The following LEMD1 variants were observed in gnomAD, a reference collection of about 807,000 sequenced individuals.
The protein encoded by LEMD1 is LEM domain containing 1, also known as LEM domain-containing protein 1.
In LEMD1, 18 loss-of-function variants were observed where a neutral mutation model predicts 17.4. The observed-to-expected ratio is 1.04, with a 90% CI of 0.72 to 1.54. The LOEUF (loss-of-function observed/expected upper bound fraction) is 1.54. LEMD1 is among the 40% of genes most tolerant of loss of function. The pLI is 0.00. For missense variants in LEMD1, 195 were observed against 210.4 expected (o/e 0.93, Z 0.45); for synonymous variants, 88 against 77.8 (o/e 1.13, Z -0.69).
At chr1:205,440,738 T>G (rs6700948) in intron 1 of LEMD1, 25,023 of 152,588 alleles carry the variant, frequency 0.16, 2,363 homozygotes, top group African/African-American at 0.24. Context: ...CTAATGGGTG[T>G]GGGCATGAGG....
chr1:205,410,877 A>C (rs1406391178), intron 4 of LEMD1, among the ~76,000 whole-genome samples: 2 of 151,804 alleles, frequency 1.3e-5, no homozygotes, highest in African/African-American at 4.8e-5. Context: ...AAAGGAAAGA[A>C]AGAAAAGAAA....
chr1:205,444,818 G>A (rs1187963962), intron 1 of LEMD1, among the ~76,000 whole-genome samples: 1 of 151,638 alleles, frequency 6.6e-6, no homozygotes, highest in East Asian at 1.9e-4. Flanking sequence ...CGCCCCCCAC[G>A]ACCCATCCCT....
chr1:205,396,820 G>T (rs1376625052), intron 4 of LEMD1, among the ~76,000 whole-genome samples: 1 of 152,190 alleles, frequency 6.6e-6, no homozygotes, highest in Non-Finnish European at 1.5e-5. Flanking sequence ...TGGGGGAAAA[G>T]GAAGATGTCC....
chr1:205,407,689 C>T (rs1395664707), intron 4 of LEMD1, among the ~76,000 whole-genome samples: 1 of 152,154 alleles, frequency 6.6e-6, no homozygotes, highest in East Asian at 1.9e-4. Context: ...AGCAAGTTAG[C>T]AAATCCAAGG....
intron 1 of LEMD1, among the ~76,000 whole-genome samples, chr1:205,446,200 T>C (rs1475577107): frequency 6.6e-6 from 1 of 152,210 alleles, no homozygotes; most frequent in African/African-American, 2.4e-5. Flanking sequence ...CAATCACATA[T>C]CTTCTCCAGG....
chr1:205,443,475 C>T (rs1171821289), intron 1 of LEMD1, among the ~76,000 whole-genome samples: 1 of 152,058 alleles, frequency 6.6e-6, no homozygotes, highest in Non-Finnish European at 1.5e-5. Context: ...GTCACAGGAA[C>T]CAGAACCTAC....
chr1:205,448,264 G>A lies in LEMD1; in HGVS notation c.-39+1604C>T, dbSNP rs559802179. 18 of 510,974 alleles carry A rather than the reference G, an allele frequency of 3.5e-5. No individual in the cohort carries two copies. Among genetic ancestry groups the A allele is most frequent in the African/African-American group, 5.8e-5 (3 of 51,418 alleles). 31.7% of individuals were successfully genotyped at this position (510,974 alleles called of 1,614,324 possible). On this transcript the variant is annotated intron_variant, in intron 1 of 3. Transcript: ENST00000367154. The surrounding 1 kb of genome is among the most constrained non-coding windows in gnomAD (Gnocchi z 4.7). ...CTGGTGCCCCTTGGTGGCTGGCTCC[G>A]AACCTGGTCCCATGGGAGGTGCAGC...
Position 205,381,628 on chromosome 1 carries a change from G to A in LEMD1, c.*30C>T, listed in dbSNP as rs544507896. Reference sequence around the variant, plus strand: ...GTTCTTTCCTGAAGCAGGAGGCCTCGCTTGGAGCATTGCTTTGCTCCTAAA... The same window carrying A: ...GTTCTTTCCTGAAGCAGGAGGCCTCACTTGGAGCATTGCTTTGCTCCTAAA... On this transcript the variant is annotated 3_prime_UTR_variant, in exon 6 of 6. Transcript: ENST00000367153. 4.2e-5 allele frequency: 68 copies of A among 1,606,272 alleles called. No homozygotes were observed. The highest frequency in any genetic ancestry group is 5.2e-5 in the Non-Finnish European group (61 of 1,172,930).
At chr1:205,388,044 C>T (rs1198178738) in intron 4 of LEMD1, among the ~76,000 whole-genome samples, 1 of 152,216 alleles carries the variant, frequency 6.6e-6, no homozygotes, top group East Asian at 1.9e-4. Flanking sequence ...CCCATGCTTA[C>T]ACAGCTGGTG....
chr1:205,425,747 A>G (rs547211663), upstream of LEMD1, among the ~76,000 whole-genome samples: 1 of 152,360 alleles, frequency 6.6e-6, no homozygotes, highest in South Asian at 2.1e-4. Context: ...CAAGGTTGAC[A>G]GAGGGAAAAA....
intron 4 of LEMD1, among the ~76,000 whole-genome samples, chr1:205,411,698 AAAGG>A (rs1190411632): frequency 2.7e-5 from 4 of 150,092 alleles, no homozygotes; most frequent in East Asian, 3.9e-4. Flanking sequence ...AAAGAAAGAA[AAAGG>A]AAGAAAGAAA....
At chr1:205,389,015 C>A (rs1574944657) in intron 4 of LEMD1, among the ~76,000 whole-genome samples, 1 of 142,430 alleles carries the variant, frequency 7.0e-6, no homozygotes, top group East Asian at 2.2e-4. Context: ...TCATTAAAAT[C>A]ACCAAAAAGT....
intron 1 of LEMD1, chr1:205,440,986 C>T (rs575364285): frequency 6.6e-6 from 1 of 152,438 alleles, no homozygotes; most frequent in Admixed American, 6.5e-5. Flanking sequence ...TTTGCAGAAG[C>T]CGTGGAGACC....
chr1:205,449,193 G>A (rs1221055599), intron 1 of LEMD1, among the ~76,000 whole-genome samples: 3 of 152,212 alleles, frequency 2.0e-5, no homozygotes, highest in African/African-American at 7.2e-5. Context: ...GACATCTCTA[G>A]GACTGGATTG....
intron 4 of LEMD1, among the ~76,000 whole-genome samples, chr1:205,393,819 T>C (rs1317508069): frequency 6.6e-6 from 1 of 151,040 alleles, no homozygotes; most frequent in African/African-American, 2.5e-5. Flanking sequence ...TATAGAATTA[T>C]TATATGACCC....
intron 1 of LEMD1, among the ~76,000 whole-genome samples, chr1:205,438,588 A>G (rs2102461843): frequency 6.6e-6 from 1 of 152,318 alleles, no homozygotes; most frequent in Non-Finnish European, 1.5e-5. Flanking sequence ...AAACTGAGGG[A>G]CAATAGAATG....
intron 1 of LEMD1, chr1:205,435,426 G>A (rs1666190190): frequency 6.6e-6 from 1 of 152,216 alleles, no homozygotes; most frequent in Non-Finnish European, 1.5e-5. Context: ...GCCATCTTGA[G>A]TAGGGGTGAG....
At chr1:205,445,535 G>A (rs962097709) in intron 1 of LEMD1, among the ~76,000 whole-genome samples, 1 of 152,228 alleles carries the variant, frequency 6.6e-6, no homozygotes, top group African/African-American at 2.4e-5. Context: ...ACAGACCCTA[G>A]CTTGCCAGAC....
intron 1 of LEMD1, among the ~76,000 whole-genome samples, chr1:205,442,374 G>C (rs1575008935): frequency 6.6e-6 from 1 of 152,372 alleles, no homozygotes; most frequent in East Asian, 1.9e-4. Flanking sequence ...CATGTGCAAA[G>C]TGGTTTCACT....
Sources: gnomAD v4.1 joint callset for allele counts (sites outside exome capture counted in the v4.1 genomes callset) on GRCh38, gnomAD v4.1.1 for gene constraint, Gnocchi (gnomAD v3.1) non-coding constraint, MANE v1.5 for transcripts, NCBI Gene and HGNC (gene_info 2026-07-23, HGNC 2026-07-21) for gene names.